ZBBX: variants seen among roughly 807,000 people sequenced by gnomAD.
The protein encoded by ZBBX is zinc finger B-box domain-containing protein 1.
In ZBBX, 101 loss-of-function variants were observed where a neutral mutation model predicts 108.5. The ratio of observed to expected loss-of-function variants is 0.93; its 90% confidence interval spans 0.79 to 1.10. The LOEUF (loss-of-function observed/expected upper bound fraction) is 1.10. Ranked by LOEUF, ZBBX falls within the 50% of genes least tolerant of loss-of-function variation. The pLI is 0.00. For synonymous variants in ZBBX, 356 were observed against 323.4 expected, an observed-to-expected ratio of 1.10 and a Z score of -1.08; for missense variants, 1,009 against 941.4, an observed-to-expected ratio of 1.07 and a Z score of -0.94.
In ZBBX at chr3:167,316,862, T is replaced by A. The variant is rs1264356235; in HGVS notation, c.1194+143A>T. ...TATTGTTTTATTCTTATAAGCATAT[T>A]TAAACCCAAACACTTGTAAATTTCC... is the stretch of plus-strand genomic sequence containing the variant. On this transcript the variant is annotated intron_variant, in intron 14 of 21. Transcript: ENST00000675490. 6 of 491,272 alleles carry A rather than the reference T, an allele frequency of 1.2e-5. No homozygotes were observed. The East Asian group carries it at 2.0e-4, about 17-fold the overall frequency. The allele number at this position is 491,272 out of a possible 1,614,324, so 30.4% of individuals were successfully genotyped here.
intron 10 of ZBBX, chr3:167,331,695 A>C: frequency 1.1e-5 from 9 of 809,360 alleles, no homozygotes; most frequent in Non-Finnish European, 1.3e-5. Flanking sequence ...CAATGCTAAA[A>C]GAAATTTGAA....
intron 17 of ZBBX, among the ~76,000 whole-genome samples, chr3:167,301,623 T>A (rs1348585551): frequency 6.6e-6 from 1 of 152,214 alleles, no homozygotes; most frequent in African/African-American, 2.4e-5. Context: ...TTACATTCAG[T>A]TCTAAATATT....
At chr3:167,331,013 A>G (rs2108385300) in intron 10 of ZBBX, among the ~76,000 whole-genome samples, 1 of 138,952 alleles carries the variant, frequency 7.2e-6, no homozygotes, top group South Asian at 2.4e-4. Context: ...AAGGCCACAT[A>G]AGAACACAGC....
chr3:167,250,832 A>C (rs143907659), intron 20 of ZBBX, among the ~76,000 whole-genome samples: 1 of 152,148 alleles, frequency 6.6e-6, no homozygotes, highest in Non-Finnish European at 1.5e-5. Context: ...CCTAGGTGAC[A>C]ACAGGCACTC....
the ZBBX span, among the ~76,000 whole-genome samples, chr3:167,187,945 G>T: frequency 6.6e-6 from 1 of 152,144 alleles, no homozygotes; most frequent in Middle Eastern, 3.4e-3. Flanking sequence ...TATAATAATT[G>T]GTAGAATGGC....
chr3:167,282,612 A>C, intron 19 of ZBBX, 117 bp from the exon 20 acceptor site: 2 of 866,290 alleles, frequency 2.3e-6, no homozygotes, highest in South Asian at 4.1e-5. Flanking sequence ...AACAGAGTTT[A>C]TGAAAAGTTA....
At chr3:167,387,081 A>G (rs1291416455) in intron 1 of ZBBX, among the ~76,000 whole-genome samples, 2 of 152,082 alleles carry the variant, frequency 1.3e-5, no homozygotes, top group African/African-American at 2.4e-5. Context: ...TCTTATGCCC[A>G]TTGTGAGTTA....
intron 20 of ZBBX, among the ~76,000 whole-genome samples, chr3:167,263,200 C>T (rs928675863): frequency 1.1e-4 from 17 of 152,042 alleles, no homozygotes; most frequent in African/African-American, 3.9e-4. Flanking sequence ...CTGCGCCCAA[C>T]TAATTTTTGT....
intron 20 of ZBBX, among the ~76,000 whole-genome samples, chr3:167,279,054 T>G (rs1728251146): frequency 6.6e-6 from 1 of 151,614 alleles, no homozygotes; most frequent in Non-Finnish European, 1.5e-5. Flanking sequence ...CCAACAACCC[T>G]TCATGCTAAA....
At chr3:167,247,554 T>A (rs139477785) in intron 20 of ZBBX, among the ~76,000 whole-genome samples, 1 of 152,282 alleles carries the variant, frequency 6.6e-6, no homozygotes, top group South Asian at 2.1e-4. Context: ...GAGGGTCTAA[T>A]TGAGCTGGTT....
intron 1 of ZBBX, among the ~76,000 whole-genome samples, chr3:167,407,310 T>G (rs1748615937): frequency 6.6e-6 from 1 of 152,140 alleles, no homozygotes; most frequent in African/African-American, 2.4e-5. Context: ...GCTAAAATAT[T>G]TTATAGGTAG....
At chr3:167,292,902 T>A (rs1297385331) in intron 18 of ZBBX, among the ~76,000 whole-genome samples, 1 of 152,024 alleles carries the variant, frequency 6.6e-6, no homozygotes, top group African/African-American at 2.4e-5. Context: ...CAAACTACCA[T>A]CAGAGAATAC....
chr3:167,294,282 T>C (rs6444213), intron 18 of ZBBX, among the ~76,000 whole-genome samples: 127,879 of 152,144 alleles, frequency 0.84, 54,014 homozygotes, highest in African/African-American at 0.94. Flanking sequence ...ATCACACTAC[T>C]TCACTTTAAA....
the ZBBX span, among the ~76,000 whole-genome samples, chr3:167,204,724 C>T: frequency 6.6e-6 from 1 of 151,494 alleles, no homozygotes; most frequent in African/African-American, 2.4e-5. Context: ...GTCTTTATAG[C>T]AGCATGATTT....
the ZBBX span, among the ~76,000 whole-genome samples, chr3:167,216,583 A>T: frequency 2.6e-4 from 40 of 152,280 alleles, no homozygotes; most frequent in Admixed American, 1.8e-3. Flanking sequence ...ATTCCTCTCA[A>T]GCTACCAACA....
chr3:167,293,315 C>A (rs1025640840), intron 18 of ZBBX, among the ~76,000 whole-genome samples: 22 of 152,170 alleles, frequency 1.4e-4, no homozygotes, highest in African/African-American at 5.1e-4. Flanking sequence ...TACTGGCAAA[C>A]CAAATCCAGT....
intron 1 of ZBBX, among the ~76,000 whole-genome samples, chr3:167,394,457 C>T (rs750162823): frequency 6.6e-6 from 1 of 151,848 alleles, no homozygotes; most frequent in Non-Finnish European, 1.5e-5. Context: ...AATACAGTTG[C>T]TTATTTTCCC....
chr3:167,355,235 A>G (rs1743348865), intron 8 of ZBBX, among the ~76,000 whole-genome samples: 1 of 152,032 alleles, frequency 6.6e-6, no homozygotes. Flanking sequence ...TGGATAGGTC[A>G]TTTAAAAATT....
Position 167,288,908 on chromosome 3 carries a change from C to A in ZBBX, c.1955G>T (p.Gly652Val). Reference sequence around the variant, plus strand: ...TCTACTTGATGATGGACTCTGAGCACCCTGCAGAACACCCAAGACAATTGC... The same window carrying A: ...TCTACTTGATGATGGACTCTGAGCAACCTGCAGAACACCCAAGACAATTGC... ...DNAIVLGVLQ[G>V]AQSPSSSRKQ... Residue 652 changes from glycine to valine, a missense_variant, in exon 19 of 22, where the codon GGT becomes GTT. Coordinates refer to ENST00000675490, the MANE Select transcript of ZBBX (RefSeq NM_001199201.2). 6.5e-7 allele frequency: 1 copy of A among 1,541,534 alleles called. No homozygotes were observed. The highest frequency in any genetic ancestry group is 8.8e-7 in the Non-Finnish European group (1 of 1,140,858).
Sources: allele counts gnomAD v4.1 joint callset (sites outside exome capture counted in the v4.1 genomes callset), GRCh38; gene constraint gnomAD v4.1.1; transcripts MANE v1.5; gene names NCBI Gene and HGNC (gene_info 2026-07-23, HGNC 2026-07-21).